The following CCDC141 variants were observed in gnomAD, a reference collection of about 807,000 sequenced individuals.
CCDC141 encodes coiled-coil domain-containing protein 141.
A neutral mutation model predicts 181.0 loss-of-function variants in CCDC141; 168 were observed. The ratio of observed to expected loss-of-function variants is 0.93; its 90% CI spans 0.82 to 1.05. The LOEUF (loss-of-function observed/expected upper bound fraction) is 1.05, where lower values mean the gene tolerates loss of function less well. Among genes scored for constraint, CCDC141 ranks in the 50% least tolerant of loss-of-function variants. The pLI is 0.00. For synonymous variants in CCDC141, 666 were observed against 642.3 expected (o/e 1.04, Z -0.56); for missense variants, 1,902 against 1,788.5 (o/e 1.06, Z -1.14).
rs141212548 is a variant in CCDC141 at position 178,837,278 on chromosome 2, C to T, written c.3941G>A (p.Arg1314Lys). The change falls in exon 23 of 24, where the codon AGA (arginine) becomes AAA (lysine). Residue 1314 changes from arginine (R) to lysine (K), a missense_variant. Physicochemically the swap from Arg to Lys is conservative, Grantham distance 26. Coordinates refer to ENST00000443758, the MANE Select transcript of CCDC141 (RefSeq NM_173648.4). ...GFVEKSTALH[R>K]ISAEHPESMM... ...GCTCTCTGGATGTTCAGCACTGATTCTGTGTAAGGCAGTACTCTTTTCCAC... is the reference window on the plus strand; with the variant it reads ...GCTCTCTGGATGTTCAGCACTGATTTTGTGTAAGGCAGTACTCTTTTCCAC... 1.7e-5 allele frequency: 27 copies of T among 1,613,980 alleles called. No individual in the cohort carries two copies. The highest frequency in any genetic ancestry group is 2.1e-5 in the Non-Finnish European group (25 of 1,180,004).
At chr2:178,961,517 A>G in intron 4 of CCDC141, 34 bp from the exon 5 acceptor site, 1 of 1,483,004 alleles carries the variant, frequency 6.7e-7, no homozygotes, top group Non-Finnish European at 9.1e-7. Flanking sequence ...AAGAATAATG[A>G]TATTAGCAAG....
chr2:178,881,129 G>T (rs1686585551), intron 11 of CCDC141, among the ~76,000 whole-genome samples: 1 of 152,190 alleles, frequency 6.6e-6, no homozygotes, highest in Non-Finnish European at 1.5e-5. Flanking sequence ...AACAAAAAAG[G>T]AAAGTGAATT....
Position 178,975,137 on chromosome 2 carries a change from T to C in CCDC141, c.446A>G (p.Asp149Gly). ...AAACTCATGAGTATTCTGGAGGAAATCTTCAGCTTGGTCTATTTTAATAGC... is the reference window on the plus strand; with the variant it reads ...AAACTCATGAGTATTCTGGAGGAAACCTTCAGCTTGGTCTATTTTAATAGC... ...EFAIKIDQAE[D>G]FLQNTHEFES... Residue 149 changes from aspartate to glycine, a missense_variant, in exon 4 of 24, where the codon GAT becomes GGT. Transcript: ENST00000443758. 1 of 1,511,940 alleles carries C rather than the reference T, an allele frequency of 6.6e-7. No homozygotes were observed. The highest frequency in any genetic ancestry group is 8.9e-7 in the Non-Finnish European group (1 of 1,118,368). The allele number at this position is 1,511,940 out of a possible 1,614,324, so 93.7% of individuals were successfully genotyped here.
At chr2:178,820,440 T>A in the CCDC141 span, among the ~76,000 whole-genome samples, 3 of 152,206 alleles carry the variant, frequency 2.0e-5, no homozygotes, top group Non-Finnish European at 2.9e-5. Flanking sequence ...CTTTTAGATA[T>A]GTATTTTTAT....
rs917901775 is a variant in CCDC141, at chr2:178,990,383, G to A, written c.226-11708C>T. On this transcript the variant is annotated intron_variant, in intron 2 of 23. Coordinates refer to ENST00000443758, the MANE Select transcript of CCDC141 (RefSeq NM_173648.4). ...TATGTCCACACAAAAGCAAGCACAC[G>A]CATATTAACAGCAACAGTATTCACA... 7.9e-5 allele frequency among the ~76,000 whole-genome samples: 12 copies of A among 151,882 alleles called. No homozygotes were observed. In the South Asian group the frequency reaches 1.3e-3, roughly 16 times the overall value.
chr2:178,874,652 G>A (rs945701803), intron 12 of CCDC141: 1 of 152,282 alleles, frequency 6.6e-6, no homozygotes, highest in Non-Finnish European at 1.5e-5. Context: ...AGGAAGCAGA[G>A]AACTGGTCGG....
At chr2:178,936,493 C>T (rs892445765) in intron 6 of CCDC141, among the ~76,000 whole-genome samples, 5 of 152,094 alleles carry the variant, frequency 3.3e-5, no homozygotes, top group African/African-American at 9.7e-5. Context: ...GTTTTGGTTA[C>T]TGTAGCCCTG....
In CCDC141 at chr2:179,015,721, CATATATATCTCATATATATATCTT is replaced by C. The variant is rs1559050480; in HGVS notation, c.225+31539_225+31562del. Among the ~76,000 whole-genome samples the C allele has an allele frequency of 5.2e-5, 7 of 134,108 alleles. 1 individual carries two copies. Among genetic ancestry groups the C allele is most frequent in the Admixed American group, 4.0e-4 (5 of 12,630 alleles). The allele number at this position is 134,108 out of a possible 152,430, so 88.0% of individuals were successfully genotyped here. A position where few individuals can be genotyped will look rare whatever the true frequency, so the allele number is the denominator to read the frequency against. ...TCATATATATATCTCATACATATCT[CATATATATCTCATATATATATCTT>C]ATATATATCTCATATATATCATATA... On this transcript the variant is annotated intron_variant, in intron 2 of 23. Transcript: ENST00000443758.
In CCDC141 at chr2:178,871,466, A is replaced by T; in HGVS notation, c.2166T>A (p.Asp722Glu). 6.2e-7 allele frequency: 1 copy of T among 1,613,798 alleles called. No homozygotes were observed. Among genetic ancestry groups the T allele is most frequent in the Non-Finnish European group, 8.5e-7 (1 of 1,179,816 alleles). The change falls in exon 14 of 24, where the codon GAT (aspartate) becomes GAA (glutamate). Residue 722 changes from aspartate (D) to glutamate (E), a missense_variant. Transcript: ENST00000443758. ...TCATGTCATTCCATTTTTGTCGTAG[A>T]TCTAAAATGAACTGGAGGCTCCCTC... ...DLGGSLQFIL[D>E]LRQKWNDMKP...
chr2:178,939,611 G>C (rs1689426705), intron 6 of CCDC141, among the ~76,000 whole-genome samples: 1 of 152,128 alleles, frequency 6.6e-6, no homozygotes, highest in African/African-American at 2.4e-5. Flanking sequence ...TAGGCAACCT[G>C]ATTTGTTTCT....
intron 17 of CCDC141, among the ~76,000 whole-genome samples, chr2:178,865,233 T>C (rs1158337867): frequency 6.6e-6 from 1 of 152,228 alleles, no homozygotes; most frequent in Non-Finnish European, 1.5e-5. Flanking sequence ...TTTGAATAAA[T>C]ATGAAACCAG....
At chr2:179,021,014 C>T (rs2042677630) in intron 2 of CCDC141, among the ~76,000 whole-genome samples, 1 of 152,148 alleles carries the variant, frequency 6.6e-6, no homozygotes, top group Non-Finnish European at 1.5e-5. Context: ...TAGCACATCA[C>T]CTGGCTACTG....
chr2:179,013,562 G>A (rs548740353), intron 2 of CCDC141, among the ~76,000 whole-genome samples: 23 of 152,124 alleles, frequency 1.5e-4, no homozygotes, highest in Non-Finnish European at 1.3e-4. Flanking sequence ...CAAATTTAAC[G>A]CAGTTCCCAT....
the CCDC141 span, among the ~76,000 whole-genome samples, chr2:178,820,462 T>A: frequency 6.6e-6 from 1 of 152,332 alleles, no homozygotes; most frequent in South Asian, 2.1e-4. Flanking sequence ...AAACATATTA[T>A]ATCTTCCCAT....
At chr2:178,961,120 G>A in intron 5 of CCDC141, 110 bp downstream of exon 5, 1 of 1,248,168 alleles carries the variant, frequency 8.0e-7, no homozygotes, top group Non-Finnish European at 1.1e-6. Context: ...TTGGACCAAA[G>A]ACCAAAAGAT....
intron 2 of CCDC141, among the ~76,000 whole-genome samples, chr2:179,015,086 A>ATAT (rs1553502722): frequency 2.4e-5 from 1 of 42,206 alleles, no homozygotes; most frequent in Admixed American, 1.9e-4. Flanking sequence ...ATATATATAT[A>ATAT]TATATATATA....
chr2:178,844,476 G>A (rs1424143550), intron 22 of CCDC141, among the ~76,000 whole-genome samples: 3 of 152,138 alleles, frequency 2.0e-5, no homozygotes, highest in Non-Finnish European at 2.9e-5. Flanking sequence ...TCAGAGTAAC[G>A]TAAAACCATT....
Position 179,047,360 on chromosome 2 carries a change from A to C in CCDC141, c.149T>G (p.Leu50Arg), listed in dbSNP as rs1214462760. The change falls in exon 2 of 24, where the codon CTT (leucine) becomes CGT (arginine). Residue 50 changes from leucine to arginine, a missense_variant. Transcript: ENST00000443758. ...ATCTTGACTGCTGCCAATTTCTAGA[A>C]GATTGGGCTGTGATTCAGCCAGTTG... Reference protein sequence around the residue: ...QLQLAESQPNLLEIGSSQDET... With the variant: ...QLQLAESQPNRLEIGSSQDET... 6.5e-7 allele frequency: 1 copy of C among 1,540,446 alleles called. No homozygotes were observed. The highest frequency in any genetic ancestry group is 8.7e-7 in the Non-Finnish European group (1 of 1,144,104).
chr2:178,844,008 T>C (rs1684832592), intron 22 of CCDC141, among the ~76,000 whole-genome samples: 1 of 152,230 alleles, frequency 6.6e-6, no homozygotes. Context: ...AGAATAAAAG[T>C]TATTTTTCCA....
Sources: gnomAD v4.1 joint callset for allele counts (sites outside exome capture counted in the v4.1 genomes callset) on GRCh38, gnomAD v4.1.1 for gene constraint, MANE v1.5 for transcripts, NCBI Gene and HGNC (gene_info 2026-07-23, HGNC 2026-07-21) for gene names.